Variants in LMBR1 observed in about 807,000 individuals in gnomAD.
The protein encoded by LMBR1 is limb region 1 protein homolog.
A neutral mutation model predicts 73.9 loss-of-function variants in LMBR1; 52 were observed. The observed-to-expected ratio is 0.70, with a 90% CI of 0.56 to 0.89. The LOEUF (loss-of-function observed/expected upper bound fraction) is 0.89, where lower values mean the gene tolerates loss of function less well. Among genes scored for constraint, LMBR1 ranks in the 40% least tolerant of loss-of-function variants. The pLI is 0.00. For synonymous variants in LMBR1, 215 were observed against 209.4 expected (o/e 1.03, Z -0.23); for missense variants, 539 against 579.8 (o/e 0.93, Z 0.72).
intron 1 of LMBR1, among the ~76,000 whole-genome samples, chr7:156,866,949 T>C (rs915385827): frequency 1.3e-5 from 2 of 152,192 alleles, no homozygotes; most frequent in African/African-American, 4.8e-5. Flanking sequence ...ATCTCAGACA[T>C]ACAAGCGTGA....
chr7:156,705,229 A>G (rs982956742), intron 15 of LMBR1, among the ~76,000 whole-genome samples: 8 of 152,112 alleles, frequency 5.3e-5, no homozygotes, highest in Non-Finnish European at 8.8e-5. Flanking sequence ...TATAGGCCAG[A>G]AAAAAAATGA....
rs562373340 is a variant in LMBR1, at chr7:156,769,857, A to T, written c.424-6062T>A. Among the ~76,000 whole-genome samples, 42 of 152,280 alleles carry T rather than the reference A, an allele frequency of 2.8e-4. No homozygotes were observed. The South Asian group carries it at 8.7e-3, about 32-fold the overall frequency. ...GCTCTGTGGCCCAGAGGGAGCCATC[A>T]CTTCATCCCTCAAGTTTGCTCAGAA... On this transcript the variant is annotated intron_variant, in intron 5 of 16. Transcript: ENST00000353442.
At chr7:156,729,976 G>GAGCTA (rs1816541844) in intron 10 of LMBR1, among the ~76,000 whole-genome samples, 1 of 152,192 alleles carries the variant, frequency 6.6e-6, no homozygotes. Flanking sequence ...GAAGTAAACT[G>GAGCTA]AGCTAAGACC....
At chr7:156,818,312 A>T (rs1462690912) in intron 4 of LMBR1, among the ~76,000 whole-genome samples, 1 of 152,234 alleles carries the variant, frequency 6.6e-6, no homozygotes, top group African/African-American at 2.4e-5. Context: ...TAAAGCACAC[A>T]GTCCTTGCAG....
chr7:156,738,500 A>G (rs1016423893), intron 9 of LMBR1, among the ~76,000 whole-genome samples: 3 of 152,210 alleles, frequency 2.0e-5, no homozygotes, highest in Non-Finnish European at 2.9e-5. Context: ...CACAGTGGCT[A>G]AGGGAGAGGT....
At chr7:156,687,330 C>G (rs1806190905) in intron 16 of LMBR1, among the ~76,000 whole-genome samples, 1 of 152,118 alleles carries the variant, frequency 6.6e-6, no homozygotes, top group Non-Finnish European at 1.5e-5. Flanking sequence ...AAAATTACAA[C>G]CCCCTCCCAC....
downstream of LMBR1, among the ~76,000 whole-genome samples, chr7:156,672,974 C>G (rs543463667): frequency 6.6e-5 from 10 of 152,372 alleles, no homozygotes; most frequent in Admixed American, 2.6e-4. Context: ...GCTCACCCCG[C>G]GGACTGTGGC....
At chr7:156,713,355 A>T (rs1221375375) in intron 15 of LMBR1, among the ~76,000 whole-genome samples, 1 of 152,172 alleles carries the variant, frequency 6.6e-6, no homozygotes, top group African/African-American at 2.4e-5. Flanking sequence ...CATAGAATGT[A>T]CAACACCAGG....
chr7:156,681,981 C>G lies in LMBR1; in HGVS notation c.*2097G>C, dbSNP rs199726319. ...TTGGGCATGTGCTCAGGAAGAGCCT[C>G]GAGGAACCGTGATTACGCAGCAGCC... On this transcript the variant is annotated 3_prime_UTR_variant, in exon 17 of 17. Transcript: ENST00000353442. The G allele has an allele frequency of 6.6e-6, 1 of 152,234 alleles. No homozygotes were observed. The highest frequency in any genetic ancestry group is 1.5e-5 in the Non-Finnish European group (1 of 68,060). 9.4% of individuals were successfully genotyped at this position (152,234 alleles called of 1,614,324 possible).
chr7:156,755,950 A>G lies in LMBR1; in HGVS notation c.757+443T>C, dbSNP rs186125258. Among the ~76,000 whole-genome samples the G allele has an allele frequency of 2.6e-5, 4 of 152,292 alleles. No homozygotes were observed. The East Asian group carries it at 7.7e-4, about 29-fold the overall frequency. On this transcript the variant is annotated intron_variant, in intron 9 of 16. Transcript: ENST00000353442. ...GATTCTGAAATGCAGTTCGTTATTAATTATCTGATCTTGTTGGCGGGAGAC... is the reference window on the plus strand; with the variant it reads ...GATTCTGAAATGCAGTTCGTTATTAGTTATCTGATCTTGTTGGCGGGAGAC...
chr7:156,720,703 TTTA>T (rs1340840040), intron 15 of LMBR1, among the ~76,000 whole-genome samples: 1 of 151,542 alleles, frequency 6.6e-6, no homozygotes, highest in African/African-American at 2.4e-5. Flanking sequence ...ATATTATTCA[TTTA>T]TTATTTTCTA....
intron 1 of LMBR1, among the ~76,000 whole-genome samples, chr7:156,837,474 CAT>C (rs551734235): frequency 1.4e-5 from 2 of 147,766 alleles, no homozygotes; most frequent in Admixed American, 6.8e-5. Flanking sequence ...TTTTCAAAAT[CAT>C]GTGGAAATGT....
At chr7:156,760,064 C>G (rs1822683306) in intron 8 of LMBR1, among the ~76,000 whole-genome samples, 1 of 152,088 alleles carries the variant, frequency 6.6e-6, no homozygotes, top group Non-Finnish European at 1.5e-5. Flanking sequence ...AGGGGTGAGT[C>G]AGGATGGAGC....
rs1431855169 is a variant in LMBR1 at position 156,681,154 on chromosome 7, T to G, written c.*2924A>C. ...ACGTGCTACCAACAAAACTAGCACA[T>G]AAGAGCCTGTAAATGATGAAAACCT... On this transcript the variant is annotated 3_prime_UTR_variant, in exon 17 of 17. Coordinates refer to ENST00000353442, the MANE Select transcript of LMBR1 (RefSeq NM_022458.4). The G allele has an allele frequency of 6.6e-6, 3 of 452,142 alleles. No homozygotes were observed. Among genetic ancestry groups the G allele is most frequent in the Non-Finnish European group, 1.3e-5 (3 of 225,572 alleles). 28.0% of individuals were successfully genotyped at this position (452,142 alleles called of 1,614,324 possible).
At chr7:156,704,347 G>A (rs1296948836) in intron 15 of LMBR1, among the ~76,000 whole-genome samples, 1 of 152,132 alleles carries the variant, frequency 6.6e-6, no homozygotes, top group Admixed American at 6.6e-5. Context: ...GCTATTTATA[G>A]CCAAAGAAAT....
intron 1 of LMBR1, among the ~76,000 whole-genome samples, chr7:156,865,931 T>C (rs1326121923): frequency 1.3e-5 from 2 of 152,148 alleles, no homozygotes; most frequent in Non-Finnish European, 2.9e-5. Context: ...ACACAATAAT[T>C]AACTGAAAAT....
intron 1 of LMBR1, among the ~76,000 whole-genome samples, chr7:156,857,013 A>C (rs1029273797): frequency 1.4e-4 from 22 of 152,350 alleles, no homozygotes; most frequent in African/African-American, 5.3e-4. Flanking sequence ...ATATTTTGAA[A>C]GAAGTATAAT....
intron 4 of LMBR1, among the ~76,000 whole-genome samples, chr7:156,802,929 G>A (rs147747775): frequency 0.032 from 4,844 of 152,166 alleles, 122 homozygotes; most frequent in South Asian, 0.085. Flanking sequence ...AAATGGTGCT[G>A]GGAGAACTGG....
chr7:156,681,770 C>T lies in LMBR1; in HGVS notation c.*2308G>A, dbSNP rs1354551320. Reference sequence around the variant, plus strand: ...CTGCCTTCCAGGGTCTATCTCCTCTCTTTCACTGGCGTGCAGGAACTGCAG... The same window carrying T: ...CTGCCTTCCAGGGTCTATCTCCTCTTTTTCACTGGCGTGCAGGAACTGCAG... On this transcript the variant is annotated 3_prime_UTR_variant, in exon 17 of 17. Coordinates refer to ENST00000353442, the MANE Select transcript of LMBR1 (RefSeq NM_022458.4). The T allele has an allele frequency of 6.6e-6, 1 of 152,326 alleles. No homozygotes were observed. The highest frequency in any genetic ancestry group is 1.5e-5 in the Non-Finnish European group (1 of 68,104). 9.4% of individuals were successfully genotyped at this position (152,326 alleles called of 1,614,324 possible).
Sources: allele counts gnomAD v4.1 joint callset (sites outside exome capture counted in the v4.1 genomes callset), GRCh38; gene constraint gnomAD v4.1.1; transcripts MANE v1.5; gene names NCBI Gene and HGNC (gene_info 2026-07-23, HGNC 2026-07-21).